The following PLSCR4 variants were observed in gnomAD, a reference collection of about 807,000 sequenced individuals.
The protein encoded by PLSCR4 is phospholipid scramblase 4, also known as Ca(2+)-dependent phospholipid scramblase 4.
PLSCR4 carries 25 observed loss-of-function variants against 36.3 expected under a neutral mutation model. The ratio of observed to expected loss-of-function variants is 0.69; its 90% CI spans 0.50 to 0.96. The LOEUF is 0.96. Ranked by LOEUF, PLSCR4 falls within the 40% of genes least tolerant of loss-of-function variation. The pLI is 0.00. For missense variants in PLSCR4, 408 were observed against 414.7 expected (o/e 0.98, Z 0.14); for synonymous variants, 122 against 132.9 (o/e 0.92, Z 0.56).
At chr3:146,228,975 T>C (rs1047222290) in intron 1 of PLSCR4, among the ~76,000 whole-genome samples, 2 of 152,144 alleles carry the variant, frequency 1.3e-5, no homozygotes, top group Admixed American at 6.5e-5. Context: ...TCTAAGAAAA[T>C]GTATACACCT....
chr3:146,204,363 A>C (rs925616151), intron 4 of PLSCR4, among the ~76,000 whole-genome samples: 4 of 152,024 alleles, frequency 2.6e-5, no homozygotes, highest in Non-Finnish European at 5.9e-5. Flanking sequence ...CATAGCTTTC[A>C]TCCATTGGGA....
At chr3:146,241,102 A>G (rs1012206326) in intron 1 of PLSCR4, among the ~76,000 whole-genome samples, 1 of 152,220 alleles carries the variant, frequency 6.6e-6, no homozygotes, top group Non-Finnish European at 1.5e-5. Flanking sequence ...ACCATATAGT[A>G]CATGATTCTA....
At chr3:146,220,964 C>A in intron 2 of PLSCR4, 39 bp from the exon 3 acceptor site, 2 of 1,209,110 alleles carry the variant, frequency 1.7e-6, no homozygotes, top group Non-Finnish European at 2.4e-6. Context: ...ACAAAGGAAA[C>A]AATAATATAA....
intron 1 of PLSCR4, among the ~76,000 whole-genome samples, chr3:146,249,591 T>G (rs1005784118): frequency 1.3e-5 from 2 of 151,012 alleles, no homozygotes; most frequent in Non-Finnish European, 3.0e-5. Flanking sequence ...TATGTGTGTA[T>G]GTATAATATT....
chr3:146,236,903 TAAG>T (rs1206184114), intron 1 of PLSCR4, among the ~76,000 whole-genome samples: 2 of 152,146 alleles, frequency 1.3e-5, no homozygotes, highest in East Asian at 1.9e-4. Flanking sequence ...TATACACTAA[TAAG>T]AAGAAAGAAT....
chr3:146,221,932 A>C, intron 2 of PLSCR4, 133 bp downstream of exon 2: 1 of 437,510 alleles, frequency 2.3e-6, no homozygotes, highest in Non-Finnish European at 4.2e-6. Context: ...TATATATGCA[A>C]ACACACACAC....
rs148631972 is a variant in PLSCR4 at position 146,237,495 on chromosome 3, A to G, written c.-22+13465T>C. Among the ~76,000 whole-genome samples the G allele has an allele frequency of 4.2e-3, 634 of 152,278 alleles. 8 individuals carry two copies. Among genetic ancestry groups the G allele is most frequent in the African/African-American group, 0.015 (606 of 41,588 alleles). ...TCATTAGGCTATAACATGAGCCTCA[A>G]TAAATTTTTAAAAACTGAAATCATA... On this transcript the variant is annotated intron_variant, in intron 1 of 8. Transcript: ENST00000354952.
At chr3:146,198,582 A>G (rs1391170924) in intron 6 of PLSCR4, among the ~76,000 whole-genome samples, 3 of 151,530 alleles carry the variant, frequency 2.0e-5, no homozygotes, top group Non-Finnish European at 4.4e-5. Flanking sequence ...TTTATTTTTT[A>G]TTTTTGTAGA....
At chr3:146,238,986 C>A (rs1017276979) in intron 1 of PLSCR4, among the ~76,000 whole-genome samples, 2 of 151,966 alleles carry the variant, frequency 1.3e-5, no homozygotes, top group Non-Finnish European at 2.9e-5. Flanking sequence ...TGCAGGAAAT[C>A]AATTACATTT....
chr3:146,197,394 G>A lies in PLSCR4; in HGVS notation c.625-601C>T, dbSNP rs183552157. On this transcript the variant is annotated intron_variant, in intron 6 of 8. Transcript: ENST00000354952. ...TATGCTGCTTGCTGTGCTGTAAAAC[G>A]GTCCTCTGTCTCCTTCCTAGGAGTC... is the stretch of plus-strand genomic sequence containing the variant. Among the ~76,000 whole-genome samples, 56 of 152,182 alleles carry A rather than the reference G, an allele frequency of 3.7e-4. 1 individual carries two copies. Among genetic ancestry groups the A allele is most frequent in the Middle Eastern group, 6.8e-3 (2 of 294 alleles).
intron 1 of PLSCR4, among the ~76,000 whole-genome samples, chr3:146,240,555 T>C (rs1216633345): frequency 1.3e-5 from 2 of 152,216 alleles, no homozygotes; most frequent in Admixed American, 6.5e-5. Context: ...CACTGAGCTA[T>C]GACTGTGTCT....
chr3:146,246,784 C>A (rs2107868600), intron 1 of PLSCR4, among the ~76,000 whole-genome samples: 1 of 152,154 alleles, frequency 6.6e-6, no homozygotes, highest in Admixed American at 6.5e-5. Context: ...TGATAAGAAA[C>A]TTTACATTTA....
chr3:146,201,982 T>C (rs967124722), intron 4 of PLSCR4, among the ~76,000 whole-genome samples: 3 of 151,888 alleles, frequency 2.0e-5, no homozygotes, highest in African/African-American at 7.3e-5. Context: ...TCACCAAACA[T>C]TGGTTAAGTA....
At chr3:146,199,707 G>C in intron 6 of PLSCR4, 106 bp downstream of exon 6, 2 of 901,040 alleles carry the variant, frequency 2.2e-6, no homozygotes, top group South Asian at 3.1e-5. Context: ...CTTCCATTCT[G>C]GCTGGCAGGG....
chr3:146,228,176 TA>T (rs1172709053), intron 1 of PLSCR4, among the ~76,000 whole-genome samples: 4 of 152,294 alleles, frequency 2.6e-5, no homozygotes, highest in Non-Finnish European at 5.9e-5. Context: ...GTATAGCACT[TA>T]AAACAGTGCC....
intron 1 of PLSCR4, among the ~76,000 whole-genome samples, chr3:146,242,784 C>A (rs62272060): frequency 6.6e-6 from 1 of 152,076 alleles, no homozygotes; most frequent in African/African-American, 2.4e-5. Flanking sequence ...AAATTCCTTA[C>A]GAAAGGCAAA....
In PLSCR4 at chr3:146,243,770, G is replaced by A. The variant is rs1201807756; in HGVS notation, c.-22+7190C>T. Among the ~76,000 whole-genome samples, 3 of 152,240 alleles carry A rather than the reference G, an allele frequency of 2.0e-5. No homozygotes were observed. In the East Asian group the frequency reaches 5.8e-4, roughly 29 times the overall value. ...TGTTAATGAGACAGCGGACTCCAGAGGAAACATTCTGAAAAGTCATCCATC... is the reference window on the plus strand; with the variant it reads ...TGTTAATGAGACAGCGGACTCCAGAAGAAACATTCTGAAAAGTCATCCATC... On this transcript the variant is annotated intron_variant, in intron 1 of 8. Coordinates refer to ENST00000354952, the MANE Select transcript of PLSCR4 (RefSeq NM_020353.3).
At chr3:146,205,056 T>C (rs1276970208) in intron 4 of PLSCR4, among the ~76,000 whole-genome samples, 1 of 152,020 alleles carries the variant, frequency 6.6e-6, no homozygotes, top group Non-Finnish European at 1.5e-5. Flanking sequence ...CCTGTCAATA[T>C]ACAGAATTGA....
At chr3:146,201,580 G>A (rs1473860033) in intron 4 of PLSCR4, among the ~76,000 whole-genome samples, 2 of 152,038 alleles carry the variant, frequency 1.3e-5, no homozygotes, top group Non-Finnish European at 2.9e-5. Flanking sequence ...TTATTTTACA[G>A]GTACCTCCAG....
Sources: allele counts gnomAD v4.1 joint callset (sites outside exome capture counted in the v4.1 genomes callset), GRCh38; gene constraint gnomAD v4.1.1; transcripts MANE v1.5; gene names NCBI Gene and HGNC (gene_info 2026-07-23, HGNC 2026-07-21).